NCAM1: variants seen among roughly 807,000 people sequenced by gnomAD.
NCAM1 encodes antigen recognized by monoclonal antibody 5.1H11.
Under a neutral mutation model 109.8 loss-of-function variants are expected in NCAM1, and 14 were observed. That is an observed-to-expected ratio of 0.13 (90% CI 0.08 to 0.20). The LOEUF (loss-of-function observed/expected upper bound fraction) is 0.20, where lower values mean the gene tolerates loss of function less well. Ranked by LOEUF, NCAM1 falls within the 10% of genes least tolerant of loss-of-function variation. The pLI is 1.00. For missense variants in NCAM1, 774 were observed against 1,109.9 expected (o/e 0.70, Z 4.30); for synonymous variants, 418 against 442.9 (o/e 0.94, Z 0.70).
chr11:113,189,486 G>A (rs1322337582), intron 1 of NCAM1, among the ~76,000 whole-genome samples: 1 of 150,902 alleles, frequency 6.6e-6, no homozygotes, highest in African/African-American at 2.4e-5. Flanking sequence ...AAGAAGCATA[G>A]CCTTTGTGAA....
chr11:113,075,445 C>G (rs782093429), intron 1 of NCAM1, among the ~76,000 whole-genome samples: 2 of 152,184 alleles, frequency 1.3e-5, no homozygotes, highest in Non-Finnish European at 2.9e-5. Context: ...CATATGGCAT[C>G]TGGAAATGGT....
Position 113,012,166 on chromosome 11 carries a change from G to A in NCAM1, c.52+50502G>A, listed in dbSNP as rs376986717. Among the ~76,000 whole-genome samples the A allele has an allele frequency of 1.2e-4, 19 of 152,052 alleles. No individual in the cohort carries two copies. The East Asian group carries it at 1.9e-3, about 16-fold the overall frequency. Reference sequence around the variant, plus strand: ...CCTGAGGAGCTGGGACTATAAGCGCGCACCTTCATGCCTGGCTAATTTTTG... The same window carrying A: ...CCTGAGGAGCTGGGACTATAAGCGCACACCTTCATGCCTGGCTAATTTTTG... On this transcript the variant is annotated intron_variant, in intron 1 of 19. Transcript: ENST00000316851.
At chr11:113,223,155 T>C (rs1944734764) in intron 9 of NCAM1, among the ~76,000 whole-genome samples, 3 of 152,180 alleles carry the variant, frequency 2.0e-5, no homozygotes, top group Admixed American at 1.3e-4. Context: ...ATCTCCTCCT[T>C]CTGCTGCAGC....
intron 1 of NCAM1, among the ~76,000 whole-genome samples, chr11:113,197,831 T>C (rs183932707): frequency 6.6e-6 from 1 of 152,312 alleles, no homozygotes; most frequent in African/African-American, 2.4e-5. Flanking sequence ...TCAGAACAAA[T>C]TATTCTCTGT....
chr11:112,968,856 T>A (rs1950796118), intron 1 of NCAM1, among the ~76,000 whole-genome samples: 1 of 152,170 alleles, frequency 6.6e-6, no homozygotes, highest in Non-Finnish European at 1.5e-5. Context: ...AAACATTGAA[T>A]TACAACAAAC....
intron 1 of NCAM1, among the ~76,000 whole-genome samples, chr11:113,201,766 T>A (rs191679639): frequency 6.6e-6 from 1 of 152,342 alleles, no homozygotes; most frequent in Non-Finnish European, 1.5e-5. Flanking sequence ...TGATATGTGA[T>A]GTTGGCTCCT....
intron 1 of NCAM1, among the ~76,000 whole-genome samples, chr11:113,188,938 C>G (rs1350602580): frequency 6.6e-6 from 1 of 152,044 alleles, no homozygotes; most frequent in Non-Finnish European, 1.5e-5. Flanking sequence ...GGCAGAGTCA[C>G]CGTGGTCACT....
At chr11:113,012,163 C>T (rs564845281) in intron 1 of NCAM1, among the ~76,000 whole-genome samples, 22 of 151,966 alleles carry the variant, frequency 1.4e-4, no homozygotes, top group Non-Finnish European at 2.2e-4. Flanking sequence ...GGACTATAAG[C>T]GCGCACCTTC....
At chr11:113,042,153 G>A (rs925066501) in intron 1 of NCAM1, among the ~76,000 whole-genome samples, 60 of 152,178 alleles carry the variant, frequency 3.9e-4, no homozygotes, top group African/African-American at 1.4e-3. Flanking sequence ...AGTCCAGCCT[G>A]CAGACATCAC....
chr11:113,178,795 G>C lies in NCAM1; in HGVS notation c.53-23584G>C, dbSNP rs76827813. ...GTGAAGAACCTGGGACTAGAGTTCAGGGAGTGATGACACATGGCAGATTAC... is the reference window on the plus strand; with the variant it reads ...GTGAAGAACCTGGGACTAGAGTTCACGGAGTGATGACACATGGCAGATTAC... On this transcript the variant is annotated intron_variant, in intron 1 of 19. Coordinates refer to ENST00000316851, the MANE Select transcript of NCAM1 (RefSeq NM_181351.5). Among the ~76,000 whole-genome samples, 538 of 152,302 alleles carry C rather than the reference G, an allele frequency of 3.5e-3. 5 individuals are homozygous for C. Among genetic ancestry groups the C allele is most frequent in the African/African-American group, 0.012 (515 of 41,556 alleles).
chr11:113,192,650 C>T (rs1399348930), intron 1 of NCAM1, among the ~76,000 whole-genome samples: 2 of 152,126 alleles, frequency 1.3e-5, no homozygotes, highest in East Asian at 3.9e-4. Flanking sequence ...AAAGAGGAAA[C>T]AGTTGAAGAA....
At chr11:113,223,894 C>G (rs1944757794) in intron 9 of NCAM1, among the ~76,000 whole-genome samples, 1 of 152,172 alleles carries the variant, frequency 6.6e-6, no homozygotes, top group Non-Finnish European at 1.5e-5. Context: ...GGCCACTAGT[C>G]TAGACTCACG....
In NCAM1 at chr11:113,270,425, GT is replaced by G. The variant is rs1565541331; in HGVS notation, c.2339+33del. 3 of 1,608,702 alleles carry G rather than the reference GT, an allele frequency of 1.9e-6. No individual in the cohort carries two copies. The Admixed American group carries it at 5.0e-5, about 27-fold the overall frequency. ...GTGCAGACCTGTCCACCTTGCTGAG[GT>G]TTGGGCTCTGCTCCAGCCCAGGGAC... On this transcript the variant is annotated intron_variant, in intron 18 of 19. Coordinates refer to ENST00000316851, the MANE Select transcript of NCAM1 (RefSeq NM_181351.5).
intron 14 of NCAM1, chr11:113,242,936 C>T: frequency 6.2e-7 from 1 of 1,604,438 alleles, no homozygotes; most frequent in Non-Finnish European, 8.5e-7. Flanking sequence ...TGTTGTTTTC[C>T]CTTTTATTAA....
intron 1 of NCAM1, among the ~76,000 whole-genome samples, chr11:113,031,420 G>A (rs1952711009): frequency 1.3e-5 from 2 of 152,288 alleles, no homozygotes; most frequent in South Asian, 2.1e-4. Flanking sequence ...GGCCAGGCAC[G>A]ATGGCTCATA....
intron 1 of NCAM1, among the ~76,000 whole-genome samples, chr11:113,034,192 T>C (rs1952796800): frequency 6.6e-6 from 1 of 152,182 alleles, no homozygotes; most frequent in Non-Finnish European, 1.5e-5. Flanking sequence ...CTGTCTGTTG[T>C]CCAGTCATGC....
intron 1 of NCAM1, among the ~76,000 whole-genome samples, chr11:113,125,369 A>G (rs976812186): frequency 3.3e-5 from 5 of 152,232 alleles, no homozygotes; most frequent in African/African-American, 9.6e-5. Context: ...CCAGAAAAAT[A>G]CCAGCATATT....
intron 1 of NCAM1, among the ~76,000 whole-genome samples, chr11:113,062,275 G>T (rs1483108576): frequency 6.6e-6 from 1 of 152,090 alleles, no homozygotes; most frequent in Admixed American, 6.5e-5. Context: ...CCAGTATCTG[G>T]CACCACTGAG....
At chr11:113,189,292 A>C (rs1386721335) in intron 1 of NCAM1, among the ~76,000 whole-genome samples, 3 of 151,984 alleles carry the variant, frequency 2.0e-5, no homozygotes, top group Non-Finnish European at 2.9e-5. Flanking sequence ...TGTACTAAAA[A>C]TGCAAAAATT....
Sources: allele counts gnomAD v4.1 joint callset (sites outside exome capture counted in the v4.1 genomes callset), GRCh38; gene constraint gnomAD v4.1.1; transcripts MANE v1.5; gene names NCBI Gene and HGNC (gene_info 2026-07-23, HGNC 2026-07-21).